The following FRYL variants were observed in gnomAD, a reference collection of about 807,000 sequenced individuals.
FRYL encodes protein furry homolog-like.
A neutral mutation model predicts 351.2 loss-of-function variants in FRYL; 150 were observed. The ratio of observed to expected loss-of-function variants is 0.43; its 90% CI spans 0.37 to 0.49. The LOEUF is 0.49. Ranked by LOEUF, FRYL falls within the 20% of genes least tolerant of loss-of-function variation. FRYL has a pLI of 0.00. For synonymous variants in FRYL, 1,153 were observed against 1,257.1 expected (o/e 0.92, Z 1.75); for missense variants, 3,036 against 3,619.3 (o/e 0.84, Z 4.13).
chr4:48,769,150 A>G (rs555931945), intron 1 of FRYL, among the ~76,000 whole-genome samples: 1 of 152,302 alleles, frequency 6.6e-6, no homozygotes, highest in South Asian at 2.1e-4. Context: ...AATAAATAAC[A>G]GACGGACTAT....
intron 5 of FRYL, among the ~76,000 whole-genome samples, chr4:48,622,106 C>T (rs945639820): frequency 1.3e-4 from 20 of 150,094 alleles, no homozygotes; most frequent in Non-Finnish European, 2.4e-4. Flanking sequence ...AGCACCCTTA[C>T]AAAAAAAAAT....
chr4:48,704,304 A>G (rs753576627), intron 2 of FRYL, among the ~76,000 whole-genome samples: 15 of 152,228 alleles, frequency 9.9e-5, no homozygotes, highest in Non-Finnish European at 1.9e-4. Flanking sequence ...CCTCTTAGCC[A>G]TATAAAAAGA....
intron 2 of FRYL, among the ~76,000 whole-genome samples, chr4:48,687,130 T>G (rs543162935): frequency 6.6e-6 from 1 of 152,254 alleles, no homozygotes; most frequent in Admixed American, 6.5e-5. Flanking sequence ...TAATTTTTAT[T>G]TTCATTCCAC....
chr4:48,592,737 C>T (rs781035952), intron 16 of FRYL, among the ~76,000 whole-genome samples: 1 of 152,142 alleles, frequency 6.6e-6, no homozygotes, highest in Admixed American at 6.5e-5. Context: ...GTACCCCCAA[C>T]AAGTTAAGTA....
chr4:48,582,620 A>G lies in FRYL; in HGVS notation c.1863T>C (p.Phe621=), dbSNP rs753483012. 3 of 1,613,964 alleles carry G rather than the reference A, an allele frequency of 1.9e-6. No individual in the cohort carries two copies. The highest frequency in any genetic ancestry group is 1.1e-5 in the South Asian group (1 of 91,076). The change falls in exon 20 of 64, where the codon TTT becomes TTC. Residue 621 remains phenylalanine (F), a synonymous_variant. Coordinates refer to ENST00000358350, the MANE Select transcript of FRYL (RefSeq NM_015030.2). The part of the protein sequence containing the change: ...REDVLSGFVY[F]IVREVTDVHP... ...GGACATCAGTCACTTCACGAACAATAAAATAAACAAATCCTGAAAGAACAT... is the reference window on the plus strand; with the variant it reads ...GGACATCAGTCACTTCACGAACAATGAAATAAACAAATCCTGAAAGAACAT...
At position 48,610,531 on chromosome 4, in the gene FRYL, C is replaced by CTTA. The variant is rs1344302752; in HGVS notation, c.412-711_412-709dup. Among the ~76,000 whole-genome samples the CTTA allele has an allele frequency of 9.9e-5, 15 of 150,792 alleles. No individual in the cohort carries two copies. In the Admixed American group the frequency reaches 1.0e-3, roughly 10 times the overall value. On this transcript the variant is annotated intron_variant, in intron 7 of 63. Transcript: ENST00000358350. Reference sequence around the variant, plus strand: ...TCCATGTCAGTATTTAGAGCGCCTCCTTATACTTTCTAACAGCCACTCAAT... The same window carrying CTTA: ...TCCATGTCAGTATTTAGAGCGCCTCCTTATTATACTTTCTAACAGCCACTCAAT...
At chr4:48,732,942 AAG>A (rs1491381798) in intron 1 of FRYL, among the ~76,000 whole-genome samples, 3 of 150,992 alleles carry the variant, frequency 2.0e-5, no homozygotes, top group Non-Finnish European at 3.0e-5. Context: ...AAAAAAAAAA[AAG>A]AAAGTAAGTA....
At chr4:48,631,559 C>A (rs2149358108) in intron 4 of FRYL, among the ~76,000 whole-genome samples, 1 of 152,098 alleles carries the variant, frequency 6.6e-6, no homozygotes, top group East Asian at 1.9e-4. Context: ...GTACCCACCA[C>A]CACAAGCAGT....
intron 1 of FRYL, among the ~76,000 whole-genome samples, chr4:48,732,155 G>C (rs1273040958): frequency 1.3e-5 from 2 of 152,176 alleles, no homozygotes; most frequent in Non-Finnish European, 2.9e-5. Flanking sequence ...CACTTACGCA[G>C]CCAACAGACA....
At chr4:48,557,321 CTAA>C in intron 34 of FRYL, 129 bp downstream of exon 34, 1 of 1,273,464 alleles carries the variant, frequency 7.9e-7, no homozygotes, top group South Asian at 1.6e-5. Context: ...AAATTCATAT[CTAA>C]TGAGTCTTTT....
intron 15 of FRYL, among the ~76,000 whole-genome samples, 165 bp from the exon 16 acceptor site, chr4:48,594,181 T>C (rs1316092116): frequency 1.8e-5 from 1 of 55,280 alleles, no homozygotes; most frequent in Non-Finnish European, 5.5e-5. Flanking sequence ...TACATGATTA[T>C]AAGTATATTA....
chr4:48,589,581 G>A (rs1223452137), intron 18 of FRYL, among the ~76,000 whole-genome samples, 164 bp downstream of exon 18: 1 of 152,038 alleles, frequency 6.6e-6, no homozygotes, highest in Non-Finnish European at 1.5e-5. Context: ...AGCACTTTAA[G>A]GAATAAAACT....
intron 2 of FRYL, among the ~76,000 whole-genome samples, chr4:48,694,738 T>C (rs923945336): frequency 2.0e-5 from 3 of 152,198 alleles, no homozygotes; most frequent in African/African-American, 7.2e-5. Context: ...CCACTAAAAT[T>C]ATTTCTTGAC....
chr4:48,501,484 A>T (rs1719643755), intron 62 of FRYL, 139 bp downstream of exon 62: 1 of 638,644 alleles, frequency 1.6e-6, no homozygotes, highest in Admixed American at 2.9e-5. Context: ...CATCATTAAA[A>T]AACAAATTAT....
At chr4:48,575,024 T>C (rs1322569710) in intron 25 of FRYL, 93 bp downstream of exon 25, 1 of 1,241,262 alleles carries the variant, frequency 8.1e-7, no homozygotes, top group African/African-American at 1.5e-5. Context: ...GCACTCTGCT[T>C]GACCCTACCA....
chr4:48,553,371 T>C lies in FRYL; in HGVS notation c.4279A>G (p.Ile1427Val). Residue 1427 changes from isoleucine to valine, a missense_variant, in exon 36 of 64, where the codon ATT (isoleucine) becomes GTT (valine). Around this residue, in one of 7 missense-constraint regions of FRYL, gnomAD observed 1,987 missense variants for 2,311.7 expected, o/e 0.86. Transcript: ENST00000358350. Reference sequence around the variant, plus strand: ...GTTTTATCTCTACCTAAATATACAATGACCTTCTTCACCTGTCACAAAAGA... The same window carrying C: ...GTTTTATCTCTACCTAAATATACAACGACCTTCTTCACCTGTCACAAAAGA... ...PSLLPYVKKV[I>V]VYLGRDKTMQ... 6.8e-6 allele frequency: 11 copies of C among 1,609,500 alleles called. No homozygotes were observed. The highest frequency in any genetic ancestry group is 5.5e-5 in the South Asian group (5 of 90,112).
At chr4:48,636,606 T>G (rs1288480140) in intron 3 of FRYL, among the ~76,000 whole-genome samples, 3 of 151,980 alleles carry the variant, frequency 2.0e-5, no homozygotes. Flanking sequence ...TAACCAAATA[T>G]TCCTAGGTAT....
At chr4:48,526,034 G>A (rs1281015849) in intron 53 of FRYL, among the ~76,000 whole-genome samples, 1 of 151,454 alleles carries the variant, frequency 6.6e-6, no homozygotes, top group Non-Finnish European at 1.5e-5. Flanking sequence ...CTGTATATTA[G>A]TAGTACATGT....
At chr4:48,547,247 G>C (rs1731554403) in intron 41 of FRYL, among the ~76,000 whole-genome samples, 1 of 152,112 alleles carries the variant, frequency 6.6e-6, no homozygotes, top group African/African-American at 2.4e-5. Context: ...TACTTTATCA[G>C]TTTTCAGATC....
Sources: allele counts gnomAD v4.1 joint callset (sites outside exome capture counted in the v4.1 genomes callset), GRCh38; gene constraint gnomAD v4.1.1; regional missense constraint gnomAD v4.1.1; transcripts MANE v1.5; gene names NCBI Gene and HGNC (gene_info 2026-07-23, HGNC 2026-07-21).